Variants in TECRL observed in about 807,000 individuals in gnomAD.
TECRL encodes the protein trans-2,3-enoyl-CoA reductase like, also known as trans-2,3-enoyl-CoA reductase-like.
TECRL carries 63 observed loss-of-function variants against 52.8 expected under a neutral mutation model. The observed-to-expected ratio is 1.19, with a 90% CI of 0.97 to 1.47. TECRL has a LOEUF of 1.47. TECRL is among the 40% of genes most tolerant of loss of function. TECRL has a pLI of 0.00. For missense variants in TECRL, 482 were observed against 429.6 expected (o/e 1.12, Z -1.08); for synonymous variants, 164 against 141.9 (o/e 1.16, Z -1.10).
intron 2 of TECRL, among the ~76,000 whole-genome samples, chr4:64,374,643 T>A (rs150235261): frequency 0.013 from 1,967 of 151,724 alleles, 19 homozygotes; most frequent in Non-Finnish European, 0.02. Flanking sequence ...TTCCCACCTA[T>A]GAGTGAGAAC....
chr4:64,385,565 C>T (rs1723119787), intron 1 of TECRL, among the ~76,000 whole-genome samples: 1 of 152,056 alleles, frequency 6.6e-6, no homozygotes, highest in Non-Finnish European at 1.5e-5. Flanking sequence ...CATCTGGTGC[C>T]ATGTTGCCAT....
At chr4:64,289,939 A>G (rs1208264830) in intron 8 of TECRL, among the ~76,000 whole-genome samples, 172 bp from the exon 9 acceptor site, 1 of 152,188 alleles carries the variant, frequency 6.6e-6, no homozygotes, top group Non-Finnish European at 1.5e-5. Flanking sequence ...CAATGAAAGA[A>G]GTTCTTGCTG....
rs550738608 is a variant in TECRL at position 64,309,775 on chromosome 4, T to C, written c.657+51A>G. On this transcript the variant is annotated intron_variant, in intron 6 of 11. Coordinates refer to ENST00000381210, the MANE Select transcript of TECRL (RefSeq NM_001010874.5). ...CAATGATTAAATATTTTGCAAAGGA[T>C]CCAACATATAAAATGTCTCAATCAT... is the stretch of plus-strand genomic sequence containing the variant. 13 of 1,186,292 alleles carry C rather than the reference T, an allele frequency of 1.1e-5. 1 individual carries two copies. The South Asian group carries it at 1.6e-4, about 15-fold the overall frequency. The allele number at this position is 1,186,292 out of a possible 1,614,324, so 73.5% of individuals were successfully genotyped here.
chr4:64,343,445 C>T (rs997449538), intron 2 of TECRL, among the ~76,000 whole-genome samples: 2 of 151,880 alleles, frequency 1.3e-5, no homozygotes, highest in African/African-American at 2.4e-5. Flanking sequence ...AACTATATAA[C>T]CAAGTAAACA....
At chr4:64,375,404 A>T (rs991231953) in intron 1 of TECRL, among the ~76,000 whole-genome samples, 181 bp from the exon 2 acceptor site, 1 of 151,924 alleles carries the variant, frequency 6.6e-6, no homozygotes, top group African/African-American at 2.4e-5. Flanking sequence ...TAACAATATA[A>T]TTTTTTAAAA....
At chr4:64,407,058 T>C (rs898207357) in intron 1 of TECRL, among the ~76,000 whole-genome samples, 3 of 151,780 alleles carry the variant, frequency 2.0e-5, no homozygotes, top group African/African-American at 7.3e-5. Flanking sequence ...CTGAAGTGTC[T>C]CACCACTATT....
chr4:64,330,735 C>A (rs1718580412), intron 2 of TECRL, among the ~76,000 whole-genome samples: 1 of 151,960 alleles, frequency 6.6e-6, no homozygotes, highest in Admixed American at 6.6e-5. Flanking sequence ...AGCTGATCCT[C>A]CCCCCAAATA....
intron 3 of TECRL, among the ~76,000 whole-genome samples, chr4:64,325,742 C>T (rs911541794): frequency 1.3e-5 from 2 of 152,072 alleles, no homozygotes; most frequent in African/African-American, 4.8e-5. Flanking sequence ...CAATATACAT[C>T]TATTAGCACC....
At chr4:64,314,089 G>T (rs1717292672) in intron 5 of TECRL, among the ~76,000 whole-genome samples, 1 of 151,278 alleles carries the variant, frequency 6.6e-6, no homozygotes, top group Non-Finnish European at 1.5e-5. Context: ...GGCGGAGCGT[G>T]CAGTGAGCCG....
At chr4:64,335,752 A>G (rs1335921312) in intron 2 of TECRL, among the ~76,000 whole-genome samples, 1 of 152,146 alleles carries the variant, frequency 6.6e-6, no homozygotes, top group Admixed American at 6.6e-5. Flanking sequence ...AATTTACATG[A>G]TTGTATGTCA....
At chr4:64,310,536 A>G (rs1297432334) in intron 5 of TECRL, among the ~76,000 whole-genome samples, 1 of 152,036 alleles carries the variant, frequency 6.6e-6, no homozygotes, top group South Asian at 2.1e-4. Flanking sequence ...TATCATTTTT[A>G]TATAATTACT....
chr4:64,330,919 A>G (rs1718593609), intron 2 of TECRL, among the ~76,000 whole-genome samples: 2 of 152,132 alleles, frequency 1.3e-5, no homozygotes, highest in Admixed American at 1.3e-4. Context: ...CACGCATATA[A>G]CTATTATTCT....
chr4:64,389,980 G>A (rs1345521895), intron 1 of TECRL, among the ~76,000 whole-genome samples: 1 of 151,792 alleles, frequency 6.6e-6, no homozygotes, highest in East Asian at 1.9e-4. Context: ...GTTAAGCCTT[G>A]CTTTACAAAG....
Position 64,281,047 on chromosome 4 carries a change from G to A in TECRL, c.958C>T (p.Leu320=). The A allele has an allele frequency of 6.2e-6, 10 of 1,600,854 alleles. No homozygotes were observed. Among genetic ancestry groups the A allele is most frequent in the Non-Finnish European group, 7.7e-6 (9 of 1,171,340 alleles). The change falls in exon 11 of 12, where the codon CTG becomes TTG. Residue 320 remains leucine (L), a synonymous_variant. Coordinates refer to ENST00000381210, the MANE Select transcript of TECRL (RefSeq NM_001010874.5). The part of the protein sequence containing the change: ...WISFTVMTQT[L]PVGIFTLLMS... ...CAGTATATCTAGGTCTTACCTGGCA[G>A]TGTTTGTGTCATGACTGTGAAACTA...
chr4:64,372,599 T>C (rs1722050784), intron 2 of TECRL, among the ~76,000 whole-genome samples: 1 of 151,644 alleles, frequency 6.6e-6, no homozygotes, highest in South Asian at 2.1e-4. Context: ...AAAAAAGTTC[T>C]AAAATAAAAC....
At chr4:64,378,460 T>C (rs761106233) in intron 1 of TECRL, among the ~76,000 whole-genome samples, 2 of 152,122 alleles carry the variant, frequency 1.3e-5, no homozygotes, top group Non-Finnish European at 1.5e-5. Flanking sequence ...CCAGCTATGC[T>C]GGAACCTGGG....
At chr4:64,296,595 T>C (rs1441874914) in intron 8 of TECRL, among the ~76,000 whole-genome samples, 1 of 151,836 alleles carries the variant, frequency 6.6e-6, no homozygotes, top group Non-Finnish European at 1.5e-5. Context: ...TCCTTTTTGG[T>C]AAAATCCTCA....
intron 6 of TECRL, 30 bp downstream of exon 6, chr4:64,309,796 A>G: frequency 7.3e-7 from 1 of 1,366,744 alleles, no homozygotes. Flanking sequence ...AAATGTCTCA[A>G]TCATTATTAA....
chr4:64,346,117 T>C (rs76894878), intron 2 of TECRL, among the ~76,000 whole-genome samples: 6,721 of 152,150 alleles, frequency 0.044, 488 homozygotes, highest in African/African-American at 0.15. Flanking sequence ...GTAAATATAA[T>C]TTTATTCATC....
Sources: allele counts gnomAD v4.1 joint callset (sites outside exome capture counted in the v4.1 genomes callset), GRCh38; gene constraint gnomAD v4.1.1; transcripts MANE v1.5; gene names NCBI Gene and HGNC (gene_info 2026-07-23, HGNC 2026-07-21).